HOMER1: variants seen among roughly 807,000 people sequenced by gnomAD.
HOMER1 encodes homer scaffold protein 1, also known as homer protein homolog 1.
In HOMER1, 3 loss-of-function variants were observed where a neutral mutation model predicts 48.9. That is an observed-to-expected ratio of 0.06 (90% CI 0.03 to 0.16). The LOEUF is 0.16. HOMER1 is among the 10% of genes least tolerant of loss of function. The pLI is 1.00. For missense variants in HOMER1, 247 were observed against 411.4 expected (o/e 0.60, Z 3.46); for synonymous variants, 134 against 146.4 (o/e 0.92, Z 0.61).
chr5:79,439,955 T>A (rs1750696213), intron 4 of HOMER1, among the ~76,000 whole-genome samples: 1 of 151,854 alleles, frequency 6.6e-6, no homozygotes, highest in Non-Finnish European at 1.5e-5. Context: ...GAATGAGGAG[T>A]CATTTGATAG....
At chr5:79,379,173 AT>A (rs1748875579) in intron 8 of HOMER1, among the ~76,000 whole-genome samples, 1 of 105,582 alleles carries the variant, frequency 9.5e-6, no homozygotes, top group South Asian at 2.8e-4. Context: ...TTTATATATT[AT>A]ATATATTTTT....
intron 5 of HOMER1, among the ~76,000 whole-genome samples, chr5:79,407,165 C>G (rs1749685410): frequency 6.6e-6 from 1 of 152,026 alleles, no homozygotes; most frequent in Non-Finnish European, 1.5e-5. Flanking sequence ...AATCAAAATC[C>G]CTTTCAACCC....
intron 1 of HOMER1, among the ~76,000 whole-genome samples, chr5:79,490,860 CAGA>C (rs921065104): frequency 7.3e-5 from 11 of 150,282 alleles, no homozygotes; most frequent in African/African-American, 2.4e-4. Flanking sequence ...AAGGCTGAGG[CAGA>C]AGAATCCCTT....
At chr5:79,378,948 T>C (rs1173920816) in intron 8 of HOMER1, among the ~76,000 whole-genome samples, 1 of 150,186 alleles carries the variant, frequency 6.7e-6, no homozygotes, top group African/African-American at 2.5e-5. Context: ...AATACACTGC[T>C]TGATGGTGCT....
chr5:79,399,407 A>AC (rs1749477490), intron 6 of HOMER1, among the ~76,000 whole-genome samples: 2 of 152,190 alleles, frequency 1.3e-5, no homozygotes, highest in African/African-American at 4.8e-5. Flanking sequence ...GAAAGAACTA[A>AC]ACTGCGATGG....
chr5:79,411,341 C>T (rs535750932), intron 5 of HOMER1, among the ~76,000 whole-genome samples: 2 of 152,112 alleles, frequency 1.3e-5, no homozygotes, highest in Admixed American at 6.5e-5. Context: ...AAAAATTAGC[C>T]GGGCGTGGTG....
Position 79,462,901 on chromosome 5 carries a change from G to T in HOMER1, c.6-5883C>A, listed in dbSNP as rs146846687. Among the ~76,000 whole-genome samples, 9 of 152,174 alleles carry T rather than the reference G, an allele frequency of 5.9e-5. No homozygotes were observed. The East Asian group carries it at 1.7e-3, about 29-fold the overall frequency. ...AAGGAAGAGAAATTGTACATTTCCT[G>T]GTATACCTTTAATGCCTAGCTTAGA... On this transcript the variant is annotated intron_variant, in intron 1 of 8. Coordinates refer to ENST00000334082, the MANE Select transcript of HOMER1 (RefSeq NM_004272.5).
intron 1 of HOMER1, among the ~76,000 whole-genome samples, chr5:79,472,034 C>T (rs1751636090): frequency 6.6e-6 from 1 of 152,222 alleles, no homozygotes; most frequent in Non-Finnish European, 1.5e-5. Context: ...GTACTTATCA[C>T]CATCTGACAC....
At chr5:79,434,616 C>A (rs1052020173) in intron 5 of HOMER1, among the ~76,000 whole-genome samples, 9 of 151,958 alleles carry the variant, frequency 5.9e-5, no homozygotes, top group East Asian at 1.9e-4. Context: ...CATTTCCCCC[C>A]AAAAAATCAG....
intron 1 of HOMER1, among the ~76,000 whole-genome samples, chr5:79,457,547 G>C (rs1489854083): frequency 6.6e-6 from 1 of 152,192 alleles, no homozygotes; most frequent in African/African-American, 2.4e-5. Context: ...GTTCCTAGGT[G>C]CAAGAAGGCT....
intron 1 of HOMER1, among the ~76,000 whole-genome samples, chr5:79,467,339 C>T (rs1005933112): frequency 4.5e-5 from 6 of 134,666 alleles, no homozygotes; most frequent in African/African-American, 8.7e-5. Flanking sequence ...TGCAGTGAGC[C>T]GAGATTGCAC....
chr5:79,462,525 GA>G (rs565002112), intron 1 of HOMER1, among the ~76,000 whole-genome samples: 210 of 152,128 alleles, frequency 1.4e-3, no homozygotes, highest in African/African-American at 5.0e-3. Flanking sequence ...AATAAAATCA[GA>G]ATTTTATTTT....
intron 1 of HOMER1, among the ~76,000 whole-genome samples, chr5:79,483,143 T>C (rs1181668813): frequency 6.6e-6 from 1 of 152,136 alleles, no homozygotes; most frequent in African/African-American, 2.4e-5. Context: ...AGGGACATCA[T>C]AATTAAATTA....
rs908589353 is a variant in HOMER1 at position 79,373,264 on chromosome 5, C to T, written c.*2745G>A. 8 of 150,508 alleles carry T rather than the reference C, an allele frequency of 5.3e-5. No homozygotes were observed. Among genetic ancestry groups the T allele is most frequent in the Admixed American group, 1.3e-4 (2 of 15,130 alleles). The allele number at this position is 150,508 out of a possible 1,614,324, so 9.3% of individuals were successfully genotyped here. A position where few individuals can be genotyped will look rare whatever the true frequency, so the allele number is the denominator to read the frequency against. ...AAGATAAAGTACATTCTCCAGAGAACAAATGTATTTCAAAATAAAAACTGT... is the reference window on the plus strand; with the variant it reads ...AAGATAAAGTACATTCTCCAGAGAATAAATGTATTTCAAAATAAAAACTGT... On this transcript the variant is annotated 3_prime_UTR_variant, in exon 9 of 9. Transcript: ENST00000334082.
intron 4 of HOMER1, 54 bp from the exon 5 acceptor site, chr5:79,439,203 C>A: frequency 6.3e-7 from 1 of 1,578,584 alleles, no homozygotes; most frequent in Non-Finnish European, 8.7e-7. Flanking sequence ...TTAAAGTACA[C>A]AATATCATCT....
intron 1 of HOMER1, among the ~76,000 whole-genome samples, chr5:79,491,302 A>G (rs569295149): frequency 1.3e-5 from 2 of 151,542 alleles, no homozygotes; most frequent in East Asian, 3.9e-4. Flanking sequence ...GTGTGCCTCT[A>G]GTCCCAGCTA....
In HOMER1 at chr5:79,422,824, TCTC is replaced by T. The variant is rs1409985684; in HGVS notation, c.527+16183_527+16185del. ...GAATAAATGGACTCTTAAAAGATGATCTCTTTTTTTTTTTTTTTTTTTGGCTAG... is the reference window on the plus strand; with the variant it reads ...GAATAAATGGACTCTTAAAAGATGATTTTTTTTTTTTTTTTTTTTGGCTAG... On this transcript the variant is annotated intron_variant, in intron 5 of 8. Transcript: ENST00000334082. 7.4e-5 allele frequency among the ~76,000 whole-genome samples: 11 copies of T among 148,332 alleles called. No individual in the cohort carries two copies. The East Asian group carries it at 7.8e-4, about 10-fold the overall frequency.
At chr5:79,416,118 T>G (rs950800060) in intron 5 of HOMER1, among the ~76,000 whole-genome samples, 1 of 152,178 alleles carries the variant, frequency 6.6e-6, no homozygotes, top group Non-Finnish European at 1.5e-5. Flanking sequence ...AGATTTAACA[T>G]TAAATATTTT....
intron 1 of HOMER1, among the ~76,000 whole-genome samples, chr5:79,491,750 T>G (rs892830826): frequency 6.6e-6 from 1 of 152,192 alleles, no homozygotes; most frequent in African/African-American, 2.4e-5. Flanking sequence ...CAAAAACCCA[T>G]AGTAACAATA....
Sources: gnomAD v4.1 joint callset for allele counts (sites outside exome capture counted in the v4.1 genomes callset) on GRCh38, gnomAD v4.1.1 for gene constraint, MANE v1.5 for transcripts, NCBI Gene and HGNC (gene_info 2026-07-23, HGNC 2026-07-21) for gene names.